Variants in PPME1 observed in about 807,000 individuals in gnomAD.
PPME1 encodes the protein protein phosphatase methylesterase 1.
PPME1 carries 17 observed loss-of-function variants against 56.9 expected under a neutral mutation model. The ratio of observed to expected loss-of-function variants is 0.30; its 90% CI spans 0.20 to 0.45. The LOEUF (loss-of-function observed/expected upper bound fraction) is 0.45, where lower values mean the gene tolerates loss of function less well. PPME1 is among the 20% of genes least tolerant of loss of function. The pLI, the probability that PPME1 is intolerant of heterozygous loss-of-function variation, is 1.00. For synonymous variants in PPME1, 122 were observed against 156.2 expected (o/e 0.78, Z 1.63); for missense variants, 357 against 483.2 (o/e 0.74, Z 2.45).
intron 1 of PPME1, among the ~76,000 whole-genome samples, chr11:74,199,090 G>A (rs1565380644): frequency 6.6e-6 from 1 of 152,186 alleles, no homozygotes; most frequent in Non-Finnish European, 1.5e-5. Flanking sequence ...ATGACAGGCA[G>A]CAGGCTGGGT....
At chr11:74,246,351 G>A (rs1309788936) in intron 10 of PPME1, 146 bp downstream of exon 10, 1 of 882,622 alleles carries the variant, frequency 1.1e-6, no homozygotes, top group African/African-American at 1.8e-5. Flanking sequence ...GTCAGGTTGT[G>A]GTGAGGGCTG....
In PPME1 at chr11:74,243,616, T is replaced by A. The variant is rs1018937552; in HGVS notation, c.835-2460T>A. ...AATAGAATTAGTTCTTTAGTGAGAATATTTGAATCATAAGGTACCTTTGTA... is the reference window on the plus strand; with the variant it reads ...AATAGAATTAGTTCTTTAGTGAGAAAATTTGAATCATAAGGTACCTTTGTA... On this transcript the variant is annotated intron_variant, in intron 9 of 13. Coordinates refer to ENST00000328257, the MANE Select transcript of PPME1 (RefSeq NM_016147.3). 4.6e-5 allele frequency: 7 copies of A among 152,082 alleles called. No homozygotes were observed. In the East Asian group the frequency reaches 1.3e-3, roughly 29 times the overall value. The allele number at this position is 152,082 out of a possible 1,614,324, so 9.4% of individuals were successfully genotyped here. A position where few individuals can be genotyped will look rare whatever the true frequency, so the allele number is the denominator to read the frequency against.
intron 1 of PPME1, among the ~76,000 whole-genome samples, chr11:74,203,002 T>C (rs1858213266): frequency 6.6e-6 from 1 of 152,178 alleles, no homozygotes; most frequent in Non-Finnish European, 1.5e-5. Context: ...ATAAAGATTT[T>C]TATTAATATA....
At chr11:74,202,033 A>G (rs1858183223) in intron 1 of PPME1, among the ~76,000 whole-genome samples, 1 of 152,252 alleles carries the variant, frequency 6.6e-6, no homozygotes, top group East Asian at 1.9e-4. Flanking sequence ...AGGATTATCC[A>G]TCTACTGAGC....
chr11:74,207,357 ACCAGAAGTT>A, intron 3 of PPME1, among the ~76,000 whole-genome samples: 1 of 152,308 alleles, frequency 6.6e-6, no homozygotes, highest in African/African-American at 2.4e-5. Flanking sequence ...ATCCAGATTC[ACCAGAAGTT>A]CTATTATGTA....
intron 3 of PPME1, among the ~76,000 whole-genome samples, chr11:74,217,208 T>C (rs1200329445): frequency 6.6e-6 from 1 of 152,100 alleles, no homozygotes; most frequent in Non-Finnish European, 1.5e-5. Context: ...GCAGAAATCA[T>C]CAGCAAAATA....
intron 1 of PPME1, among the ~76,000 whole-genome samples, chr11:74,203,152 C>G (rs952238483): frequency 6.6e-6 from 1 of 152,128 alleles, no homozygotes; most frequent in African/African-American, 2.4e-5. Flanking sequence ...AGTCATTTCA[C>G]TTCTGTGTGA....
intron 13 of PPME1, 185 bp downstream of exon 13, chr11:74,251,900 G>C: frequency 1.2e-6 from 1 of 830,272 alleles, no homozygotes; most frequent in Non-Finnish European, 2.1e-6. Context: ...TTGTTTCTTT[G>C]TGCTGTGCTC....
chr11:74,171,642 C>A, intron 1 of PPME1, 120 bp downstream of exon 1: 1 of 1,305,562 alleles, frequency 7.7e-7, no homozygotes, highest in Non-Finnish European at 1.0e-6. Flanking sequence ...TGTTGGCGGC[C>A]TGGAGATATT....
At chr11:74,174,494 C>G (rs755781653) in intron 1 of PPME1, among the ~76,000 whole-genome samples, 1 of 152,164 alleles carries the variant, frequency 6.6e-6, no homozygotes, top group Non-Finnish European at 1.5e-5. Context: ...TCCACTCTAT[C>G]TATGTTACTC....
Position 74,219,385 on chromosome 11 carries a change from C to T in PPME1, c.289-2927C>T, listed in dbSNP as rs115049735. Among the ~76,000 whole-genome samples, 881 of 151,792 alleles carry T rather than the reference C, an allele frequency of 5.8e-3. 6 individuals carry two copies. The highest frequency in any genetic ancestry group is 0.02 in the African/African-American group (835 of 41,414). On this transcript the variant is annotated intron_variant, in intron 3 of 13. Coordinates refer to ENST00000328257, the MANE Select transcript of PPME1 (RefSeq NM_016147.3). The stretch of plus-strand genomic sequence containing the variant: ...GAACTACCGTATAATGCAGCAATCC[C>T]GCTACTATGTATATAGCCAAAGGAA...
chr11:74,217,793 A>T (rs1294098847), intron 3 of PPME1, among the ~76,000 whole-genome samples: 1 of 152,132 alleles, frequency 6.6e-6, no homozygotes, highest in Non-Finnish European at 1.5e-5. Flanking sequence ...AATAAAAGCC[A>T]TATACAATAG....
At chr11:74,231,980 C>T (rs192793473) in intron 7 of PPME1, among the ~76,000 whole-genome samples, 31 of 152,300 alleles carry the variant, frequency 2.0e-4, no homozygotes, top group African/African-American at 6.5e-4. Context: ...ATGAATAAAA[C>T]ACTGTCCCTT....
chr11:74,193,012 A>G (rs1017143021), intron 1 of PPME1, among the ~76,000 whole-genome samples: 1 of 152,258 alleles, frequency 6.6e-6, no homozygotes, highest in African/African-American at 2.4e-5. Flanking sequence ...ATCAAACACA[A>G]CATTGTAGGT....
At chr11:74,201,343 A>G (rs1323615309) in intron 1 of PPME1, among the ~76,000 whole-genome samples, 1 of 150,274 alleles carries the variant, frequency 6.7e-6, no homozygotes, top group Non-Finnish European at 1.5e-5. Context: ...TCTCCTGTGA[A>G]TAATTTCTAC....
chr11:74,211,413 T>C (rs994398812), intron 3 of PPME1, among the ~76,000 whole-genome samples: 1 of 152,080 alleles, frequency 6.6e-6, no homozygotes, highest in African/African-American at 2.4e-5. Context: ...CAGTTAATAG[T>C]ATGGTATTGG....
intron 5 of PPME1, among the ~76,000 whole-genome samples, chr11:74,227,167 G>C (rs1858952125): frequency 6.6e-6 from 1 of 152,148 alleles, no homozygotes; most frequent in East Asian, 1.9e-4. Flanking sequence ...GCAGGAATTG[G>C]CAGGAGTTGG....
intron 5 of PPME1, among the ~76,000 whole-genome samples, chr11:74,229,808 A>G (rs2135660967): frequency 6.6e-6 from 1 of 152,330 alleles, no homozygotes; most frequent in African/African-American, 2.4e-5. Flanking sequence ...AACTGAGGCT[A>G]GGGCTCATCT....
Position 74,203,742 on chromosome 11 carries a change from G to T in PPME1, c.116G>T (p.Arg39Leu). 6.2e-7 allele frequency: 1 copy of T among 1,610,620 alleles called. No individual in the cohort carries two copies. Residue 39 changes from arginine to leucine, a missense_variant, in exon 2 of 14, where the codon CGG becomes CTG. Physicochemically the swap from Arg to Leu is moderately radical, Grantham distance 102. Coordinates refer to ENST00000328257, the MANE Select transcript of PPME1 (RefSeq NM_016147.3). ...AKMRMGPGRK[R>L]DFSPVPWSQY... ...TTTTTCCTCAGCCCTGGAAGAAAGCGGGACTTTTCCCCTGTTCCTTGGAGT... is the reference window on the plus strand; with the variant it reads ...TTTTTCCTCAGCCCTGGAAGAAAGCTGGACTTTTCCCCTGTTCCTTGGAGT...
Sources: gnomAD v4.1 joint callset for allele counts (sites outside exome capture counted in the v4.1 genomes callset) on GRCh38, gnomAD v4.1.1 for gene constraint, MANE v1.5 for transcripts, NCBI Gene and HGNC (gene_info 2026-07-23, HGNC 2026-07-21) for gene names.